Variants in DACH1 observed in about 807,000 individuals in gnomAD.
DACH1 encodes dachshund family transcription factor 1.
DACH1 carries 12 observed loss-of-function variants against 54.2 expected under a neutral mutation model. The observed-to-expected ratio is 0.22, with a 90% CI of 0.14 to 0.36. The LOEUF (loss-of-function observed/expected upper bound fraction) is 0.36, where lower values mean the gene tolerates loss of function less well. Ranked by LOEUF, DACH1 falls within the 10% of genes least tolerant of loss-of-function variation. The pLI, the probability that DACH1 is intolerant of heterozygous loss-of-function variation, is 1.00. For missense variants in DACH1, 805 were observed against 929.8 expected (o/e 0.87, Z 1.75); for synonymous variants, 386 against 366.2 (o/e 1.05, Z -0.62).
chr13:71,513,643 C>T (rs1328428262), intron 6 of DACH1, among the ~76,000 whole-genome samples: 1 of 151,938 alleles, frequency 6.6e-6, no homozygotes. Flanking sequence ...TCAAAGTAAA[C>T]CATGATTATT....
At chr13:71,659,742 AAAG>A (rs1300462211) in intron 2 of DACH1, among the ~76,000 whole-genome samples, 1 of 152,136 alleles carries the variant, frequency 6.6e-6, no homozygotes, top group Non-Finnish European at 1.5e-5. Context: ...GCAACTGTGA[AAAG>A]AAGACATGTA....
At chr13:71,799,380 T>C (rs1887194150) in intron 1 of DACH1, among the ~76,000 whole-genome samples, 1 of 152,166 alleles carries the variant, frequency 6.6e-6, no homozygotes, top group Non-Finnish European at 1.5e-5. Context: ...ATTTACGTTT[T>C]ACATATTCCC....
chr13:71,860,586 A>G (rs1874288424), intron 1 of DACH1, among the ~76,000 whole-genome samples: 1 of 151,834 alleles, frequency 6.6e-6, no homozygotes, highest in Admixed American at 6.6e-5. Context: ...AATCTAGATG[A>G]CTCACCTGTA....
At chr13:71,461,953 C>A (rs1876111737) in intron 10 of DACH1, among the ~76,000 whole-genome samples, 1 of 151,692 alleles carries the variant, frequency 6.6e-6, no homozygotes, top group South Asian at 2.1e-4. Flanking sequence ...AATGTTAAAC[C>A]AGGGTATGAA....
intron 1 of DACH1, among the ~76,000 whole-genome samples, chr13:71,800,701 C>G (rs1887257537): frequency 6.6e-6 from 1 of 152,006 alleles, no homozygotes; most frequent in Non-Finnish European, 1.5e-5. Flanking sequence ...ATTAAGATGA[C>G]TCATTATGAT....
intron 1 of DACH1, among the ~76,000 whole-genome samples, chr13:71,685,078 A>G (rs367945076): frequency 6.6e-6 from 1 of 152,332 alleles, no homozygotes; most frequent in East Asian, 1.9e-4. Flanking sequence ...AAGAAAATCA[A>G]ACTACTTAGG....
At chr13:71,630,969 T>G (rs1425752033) in intron 2 of DACH1, among the ~76,000 whole-genome samples, 1 of 152,166 alleles carries the variant, frequency 6.6e-6, no homozygotes, top group Non-Finnish European at 1.5e-5. Flanking sequence ...ATAGTGGAAA[T>G]GCAGCGACAG....
intron 6 of DACH1, among the ~76,000 whole-genome samples, chr13:71,552,726 G>T (rs1883891942): frequency 7.1e-6 from 1 of 141,520 alleles, no homozygotes; most frequent in South Asian, 2.3e-4. Flanking sequence ...AGCTCTTGAG[G>T]ACTCCGGATG....
intron 10 of DACH1, among the ~76,000 whole-genome samples, chr13:71,453,400 A>G (rs1467991653): frequency 2.0e-5 from 3 of 152,136 alleles, no homozygotes; most frequent in East Asian, 3.8e-4. Flanking sequence ...GAAAACAGGG[A>G]TATTTTGATT....
At chr13:71,689,579 CAA>C in intron 1 of DACH1, among the ~76,000 whole-genome samples, 1 of 152,156 alleles carries the variant, frequency 6.6e-6, no homozygotes, top group Admixed American at 6.5e-5. Context: ...CCTCTGACCT[CAA>C]AAGTCACACT....
intron 1 of DACH1, among the ~76,000 whole-genome samples, chr13:71,774,300 A>C (rs2138044244): frequency 6.6e-6 from 1 of 152,182 alleles, no homozygotes; most frequent in East Asian, 1.9e-4. Context: ...TTCATATTTT[A>C]CACATCACAC....
At chr13:71,806,733 A>G (rs537090741) in intron 1 of DACH1, among the ~76,000 whole-genome samples, 127 of 152,314 alleles carry the variant, frequency 8.3e-4, no homozygotes, top group African/African-American at 3.0e-3. Context: ...TGGCCTACCT[A>G]TCGTGAAATA....
At chr13:71,698,162 G>C (rs962258500) in intron 1 of DACH1, among the ~76,000 whole-genome samples, 1 of 151,946 alleles carries the variant, frequency 6.6e-6, no homozygotes. Flanking sequence ...CTCCAGCCTG[G>C]GTGACAGAGC....
chr13:71,703,878 T>C (rs1229369775), intron 1 of DACH1, among the ~76,000 whole-genome samples: 1 of 152,206 alleles, frequency 6.6e-6, no homozygotes, highest in Non-Finnish European at 1.5e-5. Flanking sequence ...ACTGACTTAC[T>C]AAATATTGTA....
chr13:71,490,641 G>A (rs775973150), intron 6 of DACH1, among the ~76,000 whole-genome samples: 5 of 152,176 alleles, frequency 3.3e-5, no homozygotes, highest in Non-Finnish European at 5.9e-5. Flanking sequence ...GTTAAAGAAA[G>A]ATGGCCATGC....
chr13:71,780,954 C>G (rs566444587), intron 1 of DACH1, among the ~76,000 whole-genome samples: 2 of 151,994 alleles, frequency 1.3e-5, no homozygotes, highest in Non-Finnish European at 2.9e-5. Context: ...GGCAACATAG[C>G]GAGACCTTAT....
chr13:71,587,843 A>T (rs995516527), intron 3 of DACH1, among the ~76,000 whole-genome samples: 1 of 152,148 alleles, frequency 6.6e-6, no homozygotes. Context: ...CCAGATCTAC[A>T]AAAGAATAAA....
chr13:71,776,001 C>A (rs1450953157), intron 1 of DACH1, among the ~76,000 whole-genome samples: 1 of 152,012 alleles, frequency 6.6e-6, no homozygotes, highest in Non-Finnish European at 1.5e-5. Context: ...AGGCATGACT[C>A]AATTTCCATA....
chr13:71,805,911 G>A lies in DACH1; in HGVS notation c.848+60011C>T, dbSNP rs113419639. Among the ~76,000 whole-genome samples the A allele has an allele frequency of 4.6e-5, 7 of 152,072 alleles. 1 individual carries two copies. Among genetic ancestry groups the A allele is most frequent in the African/African-American group, 1.7e-4 (7 of 41,504 alleles). ...CAACTTCTACCTCCCGGGTTCAAAC[G>A]ATTCTCCTGCCTCAGCCTCCCGAGT... On this transcript the variant is annotated intron_variant, in intron 1 of 10. Coordinates refer to ENST00000613252, the MANE Select transcript of DACH1 (RefSeq NM_080759.6).
Sources: allele counts gnomAD v4.1 joint callset (sites outside exome capture counted in the v4.1 genomes callset), GRCh38; gene constraint gnomAD v4.1.1; transcripts MANE v1.5; gene names NCBI Gene and HGNC (gene_info 2026-07-23, HGNC 2026-07-21).